The following GPHN variants were observed in gnomAD, a reference collection of about 807,000 sequenced individuals.
The protein encoded by GPHN is gephyrin.
A neutral mutation model predicts 95.5 loss-of-function variants in GPHN; 17 were observed. The ratio of observed to expected loss-of-function variants is 0.18; its 90% confidence interval spans 0.12 to 0.27. The LOEUF (loss-of-function observed/expected upper bound fraction) is 0.27. GPHN is among the 10% of genes least tolerant of loss of function. The pLI is 1.00. For missense variants in GPHN, 660 were observed against 978.1 expected (o/e 0.67, Z 4.34); for synonymous variants, 320 against 322.5 (o/e 0.99, Z 0.08).
chr14:66,879,149 T>C (rs1048344804), intron 4 of GPHN, among the ~76,000 whole-genome samples: 3 of 151,966 alleles, frequency 2.0e-5, no homozygotes, highest in Admixed American at 1.3e-4. Context: ...TAAGTGGGAT[T>C]TGAACAATGA....
intron 9 of GPHN, among the ~76,000 whole-genome samples, chr14:66,993,247 T>C (rs1226683312): frequency 6.6e-6 from 1 of 152,022 alleles, no homozygotes; most frequent in Non-Finnish European, 1.5e-5. Context: ...TCTCTTCACA[T>C]AGATTTCCCC....
chr14:67,726,884 G>A, the GPHN span: 8 of 1,101,994 alleles, frequency 7.3e-6, no homozygotes, highest in Non-Finnish European at 1.1e-5. Flanking sequence ...TTCACACCCA[G>A]AAGATAGTGA....
intron 13 of GPHN, among the ~76,000 whole-genome samples, chr14:67,106,263 T>C (rs766340101): frequency 6.6e-6 from 1 of 152,224 alleles, no homozygotes; most frequent in African/African-American, 2.4e-5. Flanking sequence ...AGAAATCTAC[T>C]GTTAGTCTAA....
At chr14:66,700,307 A>G (rs2068439336) in intron 2 of GPHN, among the ~76,000 whole-genome samples, 1 of 152,192 alleles carries the variant, frequency 6.6e-6, no homozygotes, top group African/African-American at 2.4e-5. Context: ...CGAATATTTT[A>G]TTTTTGACAC....
chr14:67,453,438 C>G, the GPHN span, among the ~76,000 whole-genome samples: 1 of 152,228 alleles, frequency 6.6e-6, no homozygotes, highest in Admixed American at 6.5e-5. Context: ...CACACACCTC[C>G]CATCAGCCTG....
At chr14:67,640,722 C>CT in the GPHN span, among the ~76,000 whole-genome samples, 1 of 152,134 alleles carries the variant, frequency 6.6e-6, no homozygotes, top group Non-Finnish European at 1.5e-5. Context: ...GTTCAGATCC[C>CT]TTTTTGATAC....
At chr14:66,517,434 A>G (rs980766299) in intron 1 of GPHN, among the ~76,000 whole-genome samples, 13 of 152,020 alleles carry the variant, frequency 8.6e-5, no homozygotes, top group African/African-American at 2.7e-4. Context: ...AGAAATAGGG[A>G]AAAAAAAGTT....
chr14:66,635,017 G>T (rs2064021832), intron 1 of GPHN, among the ~76,000 whole-genome samples: 2 of 152,300 alleles, frequency 1.3e-5, no homozygotes, highest in Middle Eastern at 3.4e-3. Context: ...CTGCTGGATA[G>T]CTGGGGCATC....
At chr14:67,058,858 GCA>G (rs745966147) in intron 11 of GPHN, 72 bp downstream of exon 11, 3 of 1,259,002 alleles carry the variant, frequency 2.4e-6, no homozygotes, top group Non-Finnish European at 3.5e-6. Flanking sequence ...TAACATTAAT[GCA>G]CAGTTTTCCT....
At chr14:67,189,872 G>C in the GPHN span, 1 of 115,352 alleles carries the variant, frequency 8.7e-6, no homozygotes, top group Non-Finnish European at 1.6e-5. Flanking sequence ...ACAGAGTCTC[G>C]CTTTGTCACC....
At chr14:66,522,782 C>T (rs1328722856) in intron 1 of GPHN, among the ~76,000 whole-genome samples, 3 of 144,294 alleles carry the variant, frequency 2.1e-5, no homozygotes, top group African/African-American at 8.5e-5. Flanking sequence ...CTAATCACCA[C>T]CTCTTTTTTT....
chr14:67,306,072 C>G, the GPHN span, among the ~76,000 whole-genome samples: 1 of 152,196 alleles, frequency 6.6e-6, no homozygotes, highest in Non-Finnish European at 1.5e-5. Context: ...CAGAGTCAAG[C>G]AGTTCTCCTG....
the GPHN span, among the ~76,000 whole-genome samples, chr14:67,210,566 A>T: frequency 6.6e-6 from 1 of 152,204 alleles, no homozygotes; most frequent in African/African-American, 2.4e-5. Context: ...CAGTTTGGGC[A>T]TAGTTGATGA....
At chr14:66,832,368 A>G (rs1458275402) in intron 4 of GPHN, among the ~76,000 whole-genome samples, 1 of 152,140 alleles carries the variant, frequency 6.6e-6, no homozygotes, top group Non-Finnish European at 1.5e-5. Flanking sequence ...TAACAGTACT[A>G]CCTGTTATCT....
At chr14:67,732,985 C>T in the GPHN span, among the ~76,000 whole-genome samples, 5 of 151,904 alleles carry the variant, frequency 3.3e-5, no homozygotes, top group South Asian at 2.1e-4. Flanking sequence ...ATGGGGGGAG[C>T]GGGGAGGGAT....
chr14:66,801,693 G>A (rs1367684304), intron 3 of GPHN, among the ~76,000 whole-genome samples: 2 of 145,568 alleles, frequency 1.4e-5, no homozygotes, highest in African/African-American at 2.6e-5. Context: ...CACCCTTGTG[G>A]CCACCATCTC....
At chr14:67,213,833 C>T in the GPHN span, among the ~76,000 whole-genome samples, 20 of 152,154 alleles carry the variant, frequency 1.3e-4, 1 homozygote, top group Non-Finnish European at 1.5e-4. Flanking sequence ...CCTGTTGTTT[C>T]CTGACTTTTT....
intron 4 of GPHN, among the ~76,000 whole-genome samples, chr14:66,835,092 G>A (rs1005469102): frequency 7.9e-5 from 12 of 151,472 alleles, no homozygotes; most frequent in African/African-American, 1.2e-4. Flanking sequence ...CTGTGGGATC[G>A]GTAGTGATAT....
chr14:66,628,166 T>G (rs1008728771), intron 1 of GPHN, among the ~76,000 whole-genome samples: 4 of 152,034 alleles, frequency 2.6e-5, no homozygotes, highest in African/African-American at 9.7e-5. Context: ...ATAAAGAAAA[T>G]GCAAAGTTAT....
Sources: gnomAD v4.1 joint callset for allele counts (sites outside exome capture counted in the v4.1 genomes callset) on GRCh38, gnomAD v4.1.1 for gene constraint, MANE v1.5 for transcripts, NCBI Gene and HGNC (gene_info 2026-07-23, HGNC 2026-07-21) for gene names.